TNIK: variants seen among roughly 807,000 people sequenced by gnomAD.
TNIK encodes the protein TRAF2 and NCK-interacting protein kinase.
In TNIK, 49 loss-of-function variants were observed where a neutral mutation model predicts 191.3. That is an observed-to-expected ratio of 0.26 (90% CI 0.20 to 0.32). The LOEUF (loss-of-function observed/expected upper bound fraction) is 0.32. Ranked by LOEUF, TNIK falls within the 10% of genes least tolerant of loss-of-function variation. TNIK has a pLI of 1.00. For missense variants in TNIK, 1,155 were observed against 1,702.3 expected, an observed-to-expected ratio of 0.68 and a Z score of 5.66; for synonymous variants, 594 against 600.9, an observed-to-expected ratio of 0.99 and a Z score of 0.17.
At chr3:171,420,971 G>A (rs879104405) in intron 1 of TNIK, among the ~76,000 whole-genome samples, 2 of 152,094 alleles carry the variant, frequency 1.3e-5, no homozygotes, top group African/African-American at 4.8e-5. Context: ...GTTTATTTAT[G>A]GAATTTTCCA....
intron 2 of TNIK, among the ~76,000 whole-genome samples, chr3:171,270,402 A>G (rs1384587328): frequency 1.3e-5 from 2 of 152,220 alleles, no homozygotes; most frequent in Non-Finnish European, 2.9e-5. Context: ...GATGGAATGT[A>G]TGTGGAGCAC....
rs1576806986 is a variant in TNIK, at chr3:171,101,470, A to G, written c.2570T>C (p.Val857Ala). The G allele has an allele frequency of 3.1e-6, 5 of 1,612,166 alleles. No homozygotes were observed. The highest frequency in any genetic ancestry group is 4.2e-6 in the Non-Finnish European group (5 of 1,179,154). ...ESETHDGTVA[V>A]SDIPRLIPTG... ...TTACATCAGTCTGGGTATGTCGCTG[A>G]CAGCCACTGTCCCATCATGGGTCTC... The change falls in exon 22 of 33, where the codon GTC (valine) becomes GCC (alanine). Residue 857 changes from valine to alanine, a missense_variant. Val to Ala is a moderately conservative substitution (Grantham distance 64). Coordinates refer to ENST00000436636, the MANE Select transcript of TNIK (RefSeq NM_015028.4).
chr3:171,153,851 G>A (rs1416363700), intron 12 of TNIK, among the ~76,000 whole-genome samples: 2 of 152,100 alleles, frequency 1.3e-5, no homozygotes, highest in Non-Finnish European at 2.9e-5. Flanking sequence ...CCTGTGGCAC[G>A]CTCTTTTAGC....
chr3:171,369,566 G>C, intron 2 of TNIK, 54 bp downstream of exon 2: 1 of 1,459,164 alleles, frequency 6.9e-7, no homozygotes, highest in Non-Finnish European at 9.4e-7. Flanking sequence ...ACTGCAATTT[G>C]TCATTCATGA....
rs536930152 is a variant in TNIK at position 171,278,494 on chromosome 3, A to T, written c.124-50273T>A. On this transcript the variant is annotated intron_variant, in intron 2 of 32. Transcript: ENST00000436636. ...CTTATTTTTTTAAAAAAGATAAAAA[A>T]AATTTAAAAACATAAAGAAACCAAA... is the stretch of plus-strand genomic sequence containing the variant. 1.4e-3 allele frequency among the ~76,000 whole-genome samples: 213 copies of T among 152,334 alleles called. 1 individual carries two copies. Among genetic ancestry groups the T allele is most frequent in the African/African-American group, 5.0e-3 (206 of 41,588 alleles).
At chr3:171,239,365 G>A (rs947363588) in intron 2 of TNIK, among the ~76,000 whole-genome samples, 2 of 152,150 alleles carry the variant, frequency 1.3e-5, no homozygotes, top group African/African-American at 4.8e-5. Flanking sequence ...TGCTGTAAGC[G>A]ATCTGTTTCC....
intron 1 of TNIK, among the ~76,000 whole-genome samples, chr3:171,439,328 A>G (rs778453389): frequency 2.0e-5 from 3 of 150,796 alleles, no homozygotes; most frequent in Admixed American, 2.0e-4. Context: ...TGGGTGACAG[A>G]GCAAGACTCT....
chr3:171,388,541 T>C (rs748202335), intron 1 of TNIK, among the ~76,000 whole-genome samples: 3 of 152,206 alleles, frequency 2.0e-5, no homozygotes, highest in Non-Finnish European at 4.4e-5. Flanking sequence ...AGTTTCCTAG[T>C]GTCTTGGGGA....
intron 2 of TNIK, among the ~76,000 whole-genome samples, chr3:171,314,843 C>T (rs1295699889): frequency 2.0e-5 from 3 of 152,062 alleles, no homozygotes; most frequent in South Asian, 2.1e-4. Flanking sequence ...GAGGTCAGGC[C>T]GCACCCCATA....
At chr3:171,109,942 T>C (rs1725593530) in intron 19 of TNIK, among the ~76,000 whole-genome samples, 1 of 152,166 alleles carries the variant, frequency 6.6e-6, no homozygotes, top group African/African-American at 2.4e-5. Context: ...TTCATTCTTG[T>C]TGCCAAGGCT....
chr3:171,156,938 A>G (rs1162993142), intron 12 of TNIK, among the ~76,000 whole-genome samples: 2 of 152,198 alleles, frequency 1.3e-5, no homozygotes, highest in Non-Finnish European at 2.9e-5. Flanking sequence ...CCTCTCAACT[A>G]CTGACCCATT....
In TNIK at chr3:171,326,840, T is replaced by A. The variant is rs574737925; in HGVS notation, c.123+42780A>T. Among the ~76,000 whole-genome samples, 16 of 152,334 alleles carry A rather than the reference T, an allele frequency of 1.1e-4. 1 individual carries two copies. In the South Asian group the frequency reaches 3.3e-3, roughly 32 times the overall value. On this transcript the variant is annotated intron_variant, in intron 2 of 32. Coordinates refer to ENST00000436636, the MANE Select transcript of TNIK (RefSeq NM_015028.4). ...TGTGCTACCATAGGAGCAAACTACC[T>A]CTGCCCTTGAGGGTGCTCTTCTTAG...
intron 1 of TNIK, among the ~76,000 whole-genome samples, chr3:171,434,676 T>C (rs899014475): frequency 7.9e-5 from 12 of 152,218 alleles, no homozygotes; most frequent in African/African-American, 2.9e-4. Flanking sequence ...CCCAGGCTGG[T>C]CTTGAACTCC....
chr3:171,106,435 A>C (rs1205793855), intron 21 of TNIK, among the ~76,000 whole-genome samples: 5 of 152,168 alleles, frequency 3.3e-5, no homozygotes, highest in Admixed American at 3.3e-4. Flanking sequence ...ATTAAATTTC[A>C]CAAAAGTAGT....
chr3:171,100,930 G>A (rs1214514281), intron 22 of TNIK, among the ~76,000 whole-genome samples: 3 of 152,000 alleles, frequency 2.0e-5, no homozygotes, highest in Non-Finnish European at 2.9e-5. Context: ...AAATCATAAC[G>A]GGGTATATTT....
In TNIK at chr3:171,306,641, GAAC is replaced by G. The variant is rs367897843; in HGVS notation, c.123+62976_123+62978del. ...ACTCTTAAACGTTTGGATTCCTTTT[GAAC>G]AACAACAACAAAATTATATTTGGAT... On this transcript the variant is annotated intron_variant, in intron 2 of 32. Coordinates refer to ENST00000436636, the MANE Select transcript of TNIK (RefSeq NM_015028.4). Among the ~76,000 whole-genome samples the G allele has an allele frequency of 3.7e-3, 570 of 152,174 alleles. 6 individuals carry two copies. Among genetic ancestry groups the G allele is most frequent in the African/African-American group, 0.013 (553 of 41,516 alleles).
chr3:171,275,035 C>A (rs1299986255), intron 2 of TNIK, among the ~76,000 whole-genome samples: 2 of 152,102 alleles, frequency 1.3e-5, no homozygotes, highest in Non-Finnish European at 2.9e-5. Context: ...CTACCCTATG[C>A]CCCTCTCCAT....
chr3:171,296,550 C>T (rs1752306351), intron 2 of TNIK, among the ~76,000 whole-genome samples: 1 of 152,134 alleles, frequency 6.6e-6, no homozygotes, highest in African/African-American at 2.4e-5. Context: ...GCCAGACTGC[C>T]AAGGTTTCAA....
At chr3:171,322,882 A>G (rs1009050941) in intron 2 of TNIK, among the ~76,000 whole-genome samples, 2 of 150,560 alleles carry the variant, frequency 1.3e-5, no homozygotes, top group African/African-American at 4.9e-5. Flanking sequence ...AAACTCTGCC[A>G]AGTGGTTCAA....
Sources: allele counts gnomAD v4.1 joint callset (sites outside exome capture counted in the v4.1 genomes callset), GRCh38; gene constraint gnomAD v4.1.1; transcripts MANE v1.5; gene names NCBI Gene and HGNC (gene_info 2026-07-23, HGNC 2026-07-21).